CSMD1: variants seen among roughly 807,000 people sequenced by gnomAD.
The protein encoded by CSMD1 is CUB and sushi domain-containing protein 1.
In CSMD1, 213 loss-of-function variants were observed where a neutral mutation model predicts 417.5. The ratio of observed to expected loss-of-function variants is 0.51; its 90% CI spans 0.46 to 0.57. CSMD1 has a LOEUF of 0.57. Among genes scored for constraint, CSMD1 ranks in the 20% least tolerant of loss-of-function variants. CSMD1 has a pLI of 0.00. For missense variants in CSMD1, 6,923 were observed against 4,529.7 expected, an observed-to-expected ratio of 1.53 and a Z score of -15.17; for synonymous variants, 2,862 against 1,736.8, an observed-to-expected ratio of 1.65 and a Z score of -16.11.
intron 3 of CSMD1, among the ~76,000 whole-genome samples, chr8:4,416,406 G>C (rs764799278): frequency 1.1e-4 from 17 of 152,082 alleles, no homozygotes; most frequent in Non-Finnish European, 2.2e-4. Context: ...AATTATTGAA[G>C]TCCATGTATG....
chr8:3,988,970 G>C (rs10481372), intron 5 of CSMD1, among the ~76,000 whole-genome samples: 4,158 of 152,250 alleles, frequency 0.027, 179 homozygotes, highest in African/African-American at 0.093. Context: ...GTTATTTGCT[G>C]AACATAGACT....
At position 4,877,954 on chromosome 8, in the gene CSMD1, C is replaced by G. The variant is rs975050395; in HGVS notation, c.85+116378G>C. ...AGGGACCTACCCAAACAGAGACACA[C>G]TATAATCCAAACACATATGTATGTG... On this transcript the variant is annotated intron_variant, in intron 1 of 69. Coordinates refer to ENST00000635120, the MANE Select transcript of CSMD1 (RefSeq NM_033225.6). Among the ~76,000 whole-genome samples, 4 of 152,046 alleles carry G rather than the reference C, an allele frequency of 2.6e-5. No individual in the cohort carries two copies. The East Asian group carries it at 7.7e-4, about 29-fold the overall frequency.
chr8:4,882,374 G>A (rs953264735), intron 1 of CSMD1, among the ~76,000 whole-genome samples: 3 of 151,718 alleles, frequency 2.0e-5, no homozygotes, highest in African/African-American at 7.3e-5. Flanking sequence ...AGTACCGGAG[G>A]GAAATTGAAG....
chr8:3,483,209 A>C (rs894242271), intron 11 of CSMD1, among the ~76,000 whole-genome samples: 2 of 152,238 alleles, frequency 1.3e-5, no homozygotes, highest in Middle Eastern at 3.4e-3. Context: ...TAATTGATGA[A>C]GCTATAAGAA....
intron 1 of CSMD1, among the ~76,000 whole-genome samples, chr8:4,646,968 T>C (rs1183172336): frequency 1.3e-5 from 2 of 152,186 alleles, no homozygotes; most frequent in African/African-American, 4.8e-5. Flanking sequence ...ACACATTTTC[T>C]CTCTCCCGGG....
chr8:3,341,477 G>C (rs1458828211), intron 23 of CSMD1, among the ~76,000 whole-genome samples: 2 of 152,210 alleles, frequency 1.3e-5, no homozygotes. Flanking sequence ...ATGGGAAACA[G>C]TTACTAGGGT....
intron 7 of CSMD1, among the ~76,000 whole-genome samples, chr8:3,670,569 T>C (rs1183150060): frequency 6.8e-6 from 1 of 147,086 alleles, no homozygotes; most frequent in Non-Finnish European, 1.5e-5. Context: ...ATGCGATATA[T>C]ATATATGGGA....
intron 25 of CSMD1, among the ~76,000 whole-genome samples, chr8:3,298,788 C>G (rs187638195): frequency 1.6e-4 from 24 of 152,260 alleles, no homozygotes; most frequent in African/African-American, 5.8e-4. Flanking sequence ...TTTGGCAAAA[C>G]TCTTCTGAAG....
chr8:3,867,212 A>G (rs1173270390), intron 5 of CSMD1, among the ~76,000 whole-genome samples: 1 of 152,180 alleles, frequency 6.6e-6, no homozygotes, highest in African/African-American at 2.4e-5. Flanking sequence ...AAAAGAGTGA[A>G]TTAATGCATG....
intron 40 of CSMD1, among the ~76,000 whole-genome samples, chr8:3,143,478 G>A (rs1352624521): frequency 1.3e-5 from 2 of 152,184 alleles, no homozygotes; most frequent in Non-Finnish European, 2.9e-5. Context: ...AACTATGGCT[G>A]ATAATTTAAA....
intron 3 of CSMD1, among the ~76,000 whole-genome samples, chr8:4,201,537 CCA>C (rs1799646487): frequency 2.3e-5 from 1 of 42,854 alleles, no homozygotes; most frequent in African/African-American, 1.0e-4. Flanking sequence ...GACTCTGTCT[CCA>C]CAAAAAAAAA....
At position 4,578,249 on chromosome 8, in the gene CSMD1, C is replaced by G. The variant is rs534935795; in HGVS notation, c.302+59093G>C. On this transcript the variant is annotated intron_variant, in intron 2 of 69. Coordinates refer to ENST00000635120, the MANE Select transcript of CSMD1 (RefSeq NM_033225.6). ...GATCTCGGCTCACTGCAAGCTCTGC[C>G]TCCCGGGTTCACGCCATTCTCCTGC... Among the ~76,000 whole-genome samples, 6 of 151,662 alleles carry G rather than the reference C, an allele frequency of 4.0e-5. No individual in the cohort carries two copies. The East Asian group carries it at 1.2e-3, about 29-fold the overall frequency.
At chr8:4,194,484 T>C (rs1023520650) in intron 3 of CSMD1, among the ~76,000 whole-genome samples, 1 of 152,136 alleles carries the variant, frequency 6.6e-6, no homozygotes, top group Non-Finnish European at 1.5e-5. Flanking sequence ...ACTTTTCTAA[T>C]AAATAGTGAT....
chr8:4,844,228 G>A (rs533536177), intron 1 of CSMD1, among the ~76,000 whole-genome samples: 1 of 152,188 alleles, frequency 6.6e-6, no homozygotes, highest in Non-Finnish European at 1.5e-5. Flanking sequence ...ATTTCAAGTA[G>A]TAAGGTTACA....
At chr8:3,133,280 CTCTT>C in intron 41 of CSMD1, among the ~76,000 whole-genome samples, 1 of 152,318 alleles carries the variant, frequency 6.6e-6, no homozygotes, top group East Asian at 1.9e-4. Flanking sequence ...CCCCCGCCTG[CTCTT>C]TCTATCTCAC....
At chr8:2,980,508 T>C (rs1048545265) in intron 54 of CSMD1, among the ~76,000 whole-genome samples, 3 of 152,136 alleles carry the variant, frequency 2.0e-5, no homozygotes, top group African/African-American at 7.2e-5. Context: ...CTCCTTATCA[T>C]TTTCATCTTC....
At chr8:3,639,124 G>T (rs1797183655) in intron 7 of CSMD1, among the ~76,000 whole-genome samples, 1 of 152,142 alleles carries the variant, frequency 6.6e-6, no homozygotes, top group African/African-American at 2.4e-5. Context: ...TCTAGCAAAA[G>T]ATTTTCGCAG....
intron 7 of CSMD1, among the ~76,000 whole-genome samples, chr8:3,681,593 T>A (rs1421876431): frequency 1.3e-5 from 2 of 152,092 alleles, no homozygotes; most frequent in African/African-American, 2.4e-5. Context: ...AGAGTAAATA[T>A]CGTCAAAATG....
At chr8:4,585,421 C>T (rs2617073) in intron 2 of CSMD1, among the ~76,000 whole-genome samples, 50,909 of 151,898 alleles carry the variant, frequency 0.34, 8,655 homozygotes, top group African/African-American at 0.37. Flanking sequence ...TGAAGAATGA[C>T]TGTCACAAAA....
Sources: allele counts gnomAD v4.1 joint callset (sites outside exome capture counted in the v4.1 genomes callset), GRCh38; gene constraint gnomAD v4.1.1; transcripts MANE v1.5; gene names NCBI Gene and HGNC (gene_info 2026-07-23, HGNC 2026-07-21).